DENND1A: variants seen among roughly 807,000 people sequenced by gnomAD.
DENND1A encodes the protein DENN domain-containing protein 1A.
Under a neutral mutation model 113.7 loss-of-function variants are expected in DENND1A, and 51 were observed. That is an observed-to-expected ratio of 0.45 (90% CI 0.36 to 0.57). The LOEUF is 0.57. Ranked by LOEUF, DENND1A falls within the 20% of genes least tolerant of loss-of-function variation. The probability of loss-of-function intolerance (pLI) is 0.00; values close to 1 mark genes in which losing one functional copy is unlikely to be tolerated. For synonymous variants in DENND1A, 565 were observed against 570.8 expected (o/e 0.99, Z 0.14); for missense variants, 1,258 against 1,395.9 (o/e 0.90, Z 1.57).
At chr9:123,451,963 C>T (rs546067326) in intron 17 of DENND1A, among the ~76,000 whole-genome samples, 4 of 149,320 alleles carry the variant, frequency 2.7e-5, no homozygotes, top group South Asian at 2.1e-4. Flanking sequence ...TTTGGGAGGC[C>T]GAGGCAGGAG....
At chr9:123,650,906 C>CAAAA (rs76905879) in intron 9 of DENND1A, among the ~76,000 whole-genome samples, 17 of 35,616 alleles carry the variant, frequency 4.8e-4, no homozygotes, top group Non-Finnish European at 6.4e-4. Flanking sequence ...GACTCTGTCT[C>CAAAA]AAAAAAAAAA....
chr9:123,425,458 G>A (rs1417696472), intron 19 of DENND1A, among the ~76,000 whole-genome samples: 1 of 152,266 alleles, frequency 6.6e-6, no homozygotes, highest in African/African-American at 2.4e-5. Flanking sequence ...TCTAAAGCGC[G>A]TGCAGGCGCC....
chr9:123,669,704 G>A (rs1161249031), intron 7 of DENND1A, among the ~76,000 whole-genome samples: 1 of 152,232 alleles, frequency 6.6e-6, no homozygotes, highest in Admixed American at 6.5e-5. Context: ...GACAAAGGCA[G>A]GGTTGCTTAG....
chr9:123,588,387 G>A (rs2059290265), intron 11 of DENND1A, among the ~76,000 whole-genome samples: 1 of 151,546 alleles, frequency 6.6e-6, no homozygotes, highest in Non-Finnish European at 1.5e-5. Context: ...GGGAGGCTGA[G>A]GCGGGTGGAT....
intron 21 of DENND1A, chr9:123,401,964 T>A (rs1051551986): frequency 6.2e-7 from 1 of 1,605,090 alleles, no homozygotes; most frequent in Non-Finnish European, 8.5e-7. Context: ...AACAGGCCTG[T>A]GACCCTGTAT....
chr9:123,457,171 C>T (rs2048188318), intron 15 of DENND1A, among the ~76,000 whole-genome samples, 177 bp downstream of exon 15: 1 of 152,194 alleles, frequency 6.6e-6, no homozygotes, highest in Non-Finnish European at 1.5e-5. Flanking sequence ...TCATATGGGC[C>T]AGGGTGCATT....
intron 5 of DENND1A, among the ~76,000 whole-genome samples, chr9:123,722,504 A>G (rs1191684217): frequency 3.3e-5 from 5 of 152,180 alleles, no homozygotes; most frequent in Non-Finnish European, 7.4e-5. Context: ...AGCTCCTTCC[A>G]TCACAGGCCC....
At chr9:123,676,388 T>C (rs1016754538) in intron 6 of DENND1A, among the ~76,000 whole-genome samples, 3 of 152,154 alleles carry the variant, frequency 2.0e-5, no homozygotes, top group African/African-American at 7.2e-5. Context: ...AATTATAATT[T>C]AATACATGTC....
chr9:123,417,712 T>A (rs971084944), intron 19 of DENND1A, among the ~76,000 whole-genome samples: 3 of 152,222 alleles, frequency 2.0e-5, no homozygotes, highest in Admixed American at 1.3e-4. Context: ...TCTCCTTCTT[T>A]CCTTATTTGA....
At chr9:123,700,736 T>C (rs1383511298) in intron 5 of DENND1A, among the ~76,000 whole-genome samples, 6 of 152,220 alleles carry the variant, frequency 3.9e-5, no homozygotes, top group Non-Finnish European at 7.3e-5. Context: ...GTACCATCTA[T>C]ACTAGTGTTT....
intron 13 of DENND1A, among the ~76,000 whole-genome samples, chr9:123,521,902 T>C (rs1291729047): frequency 6.6e-6 from 1 of 152,142 alleles, no homozygotes; most frequent in Non-Finnish European, 1.5e-5. Context: ...GTGTAAGAAA[T>C]GACAACGCAT....
intron 2 of DENND1A, among the ~76,000 whole-genome samples, chr9:123,868,098 T>C (rs1199852781): frequency 6.6e-6 from 1 of 152,208 alleles, no homozygotes. Flanking sequence ...ATTCCCTTTG[T>C]TGTTCAAGTC....
At chr9:123,918,571 T>C (rs1395086262) in intron 1 of DENND1A, among the ~76,000 whole-genome samples, 2 of 151,858 alleles carry the variant, frequency 1.3e-5, no homozygotes, top group East Asian at 1.9e-4. Flanking sequence ...CTACAGCAGA[T>C]TGAAATATAG....
At chr9:123,558,886 T>G (rs2057576585) in intron 12 of DENND1A, among the ~76,000 whole-genome samples, 1 of 152,154 alleles carries the variant, frequency 6.6e-6, no homozygotes, top group Admixed American at 6.5e-5. Flanking sequence ...AGGACTATGT[T>G]AGGTGTTGAG....
At chr9:123,818,659 G>C (rs1380431387) in intron 2 of DENND1A, among the ~76,000 whole-genome samples, 1 of 151,194 alleles carries the variant, frequency 6.6e-6, no homozygotes, top group Non-Finnish European at 1.5e-5. Context: ...TACACACATA[G>C]CCTGAAGGTA....
intron 10 of DENND1A, among the ~76,000 whole-genome samples, chr9:123,617,179 G>A (rs1479353896): frequency 1.3e-5 from 2 of 152,172 alleles, no homozygotes; most frequent in African/African-American, 4.8e-5. Context: ...TGTCTTTCCT[G>A]GTTTCCAACC....
chr9:123,549,912 T>G (rs919687452), intron 13 of DENND1A, among the ~76,000 whole-genome samples: 1 of 152,246 alleles, frequency 6.6e-6, no homozygotes, highest in Non-Finnish European at 1.5e-5. Context: ...ATTTTTCTGC[T>G]TTCCACTACA....
At chr9:123,475,584 G>A (rs1260009995) in intron 13 of DENND1A, among the ~76,000 whole-genome samples, 1 of 152,222 alleles carries the variant, frequency 6.6e-6, no homozygotes, top group Non-Finnish European at 1.5e-5. Context: ...CCCCATCCGA[G>A]GCCCCCCTGG....
At chr9:123,579,195 T>A (rs1022865024) in intron 12 of DENND1A, among the ~76,000 whole-genome samples, 1 of 152,188 alleles carries the variant, frequency 6.6e-6, no homozygotes, top group African/African-American at 2.4e-5. Context: ...ATGTTTTAAA[T>A]ATATTATATA....
Sources: gnomAD v4.1 joint callset for allele counts (sites outside exome capture counted in the v4.1 genomes callset) on GRCh38, gnomAD v4.1.1 for gene constraint, MANE v1.5 for transcripts, NCBI Gene and HGNC (gene_info 2026-07-23, HGNC 2026-07-21) for gene names.